KCNIP4: variants seen among roughly 807,000 people sequenced by gnomAD.
The protein encoded by KCNIP4 is Kv channel-interacting protein 4.
KCNIP4 carries 12 observed loss-of-function variants against 34.0 expected under a neutral mutation model. The observed-to-expected ratio is 0.35, with a 90% CI of 0.23 to 0.57. The LOEUF (loss-of-function observed/expected upper bound fraction) is 0.57. Among genes scored for constraint, KCNIP4 ranks in the 20% least tolerant of loss-of-function variants. The pLI, the probability that KCNIP4 is intolerant of heterozygous loss-of-function variation, is 0.83. For synonymous variants in KCNIP4, 124 were observed against 102.2 expected, an observed-to-expected ratio of 1.21 and a Z score of -1.29; for missense variants, 238 against 311.7, an observed-to-expected ratio of 0.76 and a Z score of 1.78.
At chr4:21,229,005 T>A (rs1758609261) in intron 1 of KCNIP4, among the ~76,000 whole-genome samples, 1 of 152,174 alleles carries the variant, frequency 6.6e-6, no homozygotes, top group Non-Finnish European at 1.5e-5. Flanking sequence ...CTCACCTAAA[T>A]TTTCAGTTGT....
chr4:20,859,391 T>C (rs1721955730), intron 2 of KCNIP4, among the ~76,000 whole-genome samples: 1 of 152,180 alleles, frequency 6.6e-6, no homozygotes, highest in African/African-American at 2.4e-5. Context: ...CAAATGCGCA[T>C]TTGCATCCTG....
At chr4:20,870,683 A>G (rs1723356804) in intron 2 of KCNIP4, among the ~76,000 whole-genome samples, 1 of 152,152 alleles carries the variant, frequency 6.6e-6, no homozygotes, top group Non-Finnish European at 1.5e-5. Flanking sequence ...TGGAATTGAT[A>G]GGGGAATAAA....
intron 1 of KCNIP4, among the ~76,000 whole-genome samples, chr4:21,779,185 CTTTATA>C (rs1719412503): frequency 6.6e-6 from 1 of 151,944 alleles, no homozygotes. Flanking sequence ...TTGCTTTCAT[CTTTATA>C]TTTATGGTAA....
intron 5 of KCNIP4, among the ~76,000 whole-genome samples, chr4:20,742,519 C>T (rs1394437284): frequency 6.6e-6 from 1 of 152,068 alleles, no homozygotes; most frequent in East Asian, 1.9e-4. Context: ...ATTCAGCAGC[C>T]CTTCATGCTA....
At chr4:21,587,401 A>C (rs1037852944) in intron 1 of KCNIP4, among the ~76,000 whole-genome samples, 3 of 151,800 alleles carry the variant, frequency 2.0e-5, no homozygotes, top group Non-Finnish European at 4.4e-5. Flanking sequence ...ATAACCCATC[A>C]CTCTTTCTTT....
At chr4:20,829,853 A>G (rs1253732158) in intron 3 of KCNIP4, among the ~76,000 whole-genome samples, 1 of 152,044 alleles carries the variant, frequency 6.6e-6, no homozygotes, top group Non-Finnish European at 1.5e-5. Context: ...GGAGATAAGT[A>G]TGATATAGAT....
chr4:20,993,699 T>G (rs1018190125), intron 1 of KCNIP4, among the ~76,000 whole-genome samples: 3 of 152,244 alleles, frequency 2.0e-5, no homozygotes, highest in Non-Finnish European at 4.4e-5. Flanking sequence ...TACCCATTAC[T>G]ATAATGCTGA....
intron 1 of KCNIP4, among the ~76,000 whole-genome samples, chr4:21,508,320 G>A (rs984296901): frequency 6.6e-6 from 1 of 152,078 alleles, no homozygotes; most frequent in Non-Finnish European, 1.5e-5. Context: ...TTACTTGACT[G>A]TGTTCTTTGC....
intron 1 of KCNIP4, among the ~76,000 whole-genome samples, chr4:21,402,522 C>G (rs1229004812): frequency 6.6e-6 from 1 of 152,148 alleles, no homozygotes; most frequent in African/African-American, 2.4e-5. Context: ...GGGAATAACT[C>G]CATTCTTTTG....
In KCNIP4 at chr4:21,645,385, A is replaced by G. The variant is rs141182838; in HGVS notation, c.61+303186T>C. Among the ~76,000 whole-genome samples the G allele has an allele frequency of 6.0e-3, 917 of 152,266 alleles. 4 individuals carry two copies. The highest frequency in any genetic ancestry group is 0.021 in the African/African-American group (864 of 41,526). ...TTAAGCGGTTAATGGAGTTTCCTTA[A>G]TAAATATACATTGTTATTATTCTCA... On this transcript the variant is annotated intron_variant, in intron 1 of 8. Coordinates refer to ENST00000382152, the MANE Select transcript of KCNIP4 (RefSeq NM_025221.6).
At chr4:20,827,638 A>G (rs1717914977) in intron 3 of KCNIP4, among the ~76,000 whole-genome samples, 4 of 152,170 alleles carry the variant, frequency 2.6e-5, no homozygotes. Flanking sequence ...GAGGGACAGG[A>G]CAGATGGGCA....
chr4:20,812,247 A>T (rs1377161196), intron 3 of KCNIP4, among the ~76,000 whole-genome samples: 1 of 152,136 alleles, frequency 6.6e-6, no homozygotes, highest in African/African-American at 2.4e-5. Context: ...TTCCAGGAAA[A>T]AGGGAAAGAA....
intron 1 of KCNIP4, among the ~76,000 whole-genome samples, chr4:20,920,685 T>C (rs749792134): frequency 5.3e-5 from 8 of 152,140 alleles, no homozygotes; most frequent in Non-Finnish European, 5.9e-5. Flanking sequence ...ATGATCCACT[T>C]GCATTTTAAA....
intron 1 of KCNIP4, among the ~76,000 whole-genome samples, chr4:21,333,166 T>G (rs573284638): frequency 6.6e-6 from 1 of 152,232 alleles, no homozygotes; most frequent in African/African-American, 2.4e-5. Flanking sequence ...ATAATTTGAT[T>G]GCTTCTTAAT....
chr4:21,907,082 T>C (rs547544520), intron 1 of KCNIP4, among the ~76,000 whole-genome samples: 1 of 152,256 alleles, frequency 6.6e-6, no homozygotes, highest in East Asian at 1.9e-4. Context: ...TGCTATACTT[T>C]GAGTGTGTCC....
intron 1 of KCNIP4, among the ~76,000 whole-genome samples, chr4:21,131,372 A>G (rs1450632817): frequency 6.6e-6 from 1 of 152,178 alleles, no homozygotes; most frequent in African/African-American, 2.4e-5. Flanking sequence ...TTTAGAAGTC[A>G]GGGCAGTCGG....
chr4:21,927,724 G>A (rs1729338006), intron 1 of KCNIP4, among the ~76,000 whole-genome samples: 1 of 152,162 alleles, frequency 6.6e-6, no homozygotes, highest in African/African-American at 2.4e-5. Context: ...TCTAATGAAT[G>A]TGGGAGATGT....
chr4:21,005,602 G>A (rs1464179513), intron 1 of KCNIP4, among the ~76,000 whole-genome samples: 1 of 151,852 alleles, frequency 6.6e-6, no homozygotes, highest in African/African-American at 2.4e-5. Context: ...TAACCTGCCT[G>A]AGAACTCAGA....
At chr4:21,509,520 G>T (rs140841124) in intron 1 of KCNIP4, among the ~76,000 whole-genome samples, 1 of 152,256 alleles carries the variant, frequency 6.6e-6, no homozygotes, top group East Asian at 1.9e-4. Flanking sequence ...GAACAAGAGT[G>T]TTATATGTGT....
Sources: gnomAD v4.1 joint callset for allele counts (sites outside exome capture counted in the v4.1 genomes callset) on GRCh38, gnomAD v4.1.1 for gene constraint, MANE v1.5 for transcripts, NCBI Gene and HGNC (gene_info 2026-07-23, HGNC 2026-07-21) for gene names.